The following SHISA9 variants were observed in gnomAD, a reference collection of about 807,000 sequenced individuals.
SHISA9 encodes the protein protein shisa-9.
SHISA9 carries 13 observed loss-of-function variants against 38.0 expected under a neutral mutation model. That is an observed-to-expected ratio of 0.34 (90% CI 0.22 to 0.54). The LOEUF is 0.54. SHISA9 is among the 20% of genes least tolerant of loss of function. The probability of loss-of-function intolerance (pLI) is 0.91; values close to 1 mark genes in which losing one functional copy is unlikely to be tolerated. For missense variants in SHISA9, 538 were observed against 575.8 expected (o/e 0.93, Z 0.67); for synonymous variants, 275 against 242.0 (o/e 1.14, Z -1.27).
At chr16:13,369,787 C>T in the SHISA9 span, among the ~76,000 whole-genome samples, 1 of 152,102 alleles carries the variant, frequency 6.6e-6, no homozygotes, top group Non-Finnish European at 1.5e-5. Context: ...GAATGACAAA[C>T]ACTGAGCTCA....
chr16:13,068,666 A>G (rs1045295106), intron 2 of SHISA9, among the ~76,000 whole-genome samples: 2 of 152,246 alleles, frequency 1.3e-5, no homozygotes, highest in African/African-American at 2.4e-5. Flanking sequence ...TGGCTGGGCC[A>G]TTAAGAAGCC....
the SHISA9 span, among the ~76,000 whole-genome samples, chr16:13,421,799 C>T: frequency 6.6e-6 from 1 of 152,180 alleles, no homozygotes; most frequent in South Asian, 2.1e-4. Context: ...CTTCAACTCT[C>T]ACATGAAATC....
At chr16:13,111,664 C>G (rs760336637) in intron 2 of SHISA9, among the ~76,000 whole-genome samples, 1 of 152,138 alleles carries the variant, frequency 6.6e-6, no homozygotes, top group Non-Finnish European at 1.5e-5. Context: ...TTTGGAGCTT[C>G]TATTTAACCA....
the SHISA9 span, among the ~76,000 whole-genome samples, chr16:13,487,210 G>A: frequency 6.6e-6 from 1 of 152,230 alleles, no homozygotes; most frequent in African/African-American, 2.4e-5. Flanking sequence ...AGTTGCATAT[G>A]TGAAATGACA....
chr16:12,908,129 A>ACATGGCTGCTGCTCAG (rs55838036), intron 1 of SHISA9, among the ~76,000 whole-genome samples: 1 of 152,016 alleles, frequency 6.6e-6, no homozygotes, highest in Admixed American at 6.5e-5. Context: ...AGGACCTGTC[A>ACATGGCTGCTGCTCAG]CAACTATTAC....
At chr16:13,491,132 T>C in the SHISA9 span, among the ~76,000 whole-genome samples, 3 of 152,324 alleles carry the variant, frequency 2.0e-5, no homozygotes, top group South Asian at 6.2e-4. Flanking sequence ...CTGAGAAAGA[T>C]GCATTAACAG....
chr16:13,086,190 T>C (rs955236922), intron 2 of SHISA9, among the ~76,000 whole-genome samples: 3 of 151,888 alleles, frequency 2.0e-5, no homozygotes, highest in African/African-American at 7.3e-5. Context: ...ACCCTGTCTC[T>C]ACTAAAATAC....
At chr16:13,112,349 G>C (rs534835338) in intron 2 of SHISA9, among the ~76,000 whole-genome samples, 3 of 151,910 alleles carry the variant, frequency 2.0e-5, no homozygotes, top group Non-Finnish European at 4.4e-5. Flanking sequence ...AAGGAAGAAA[G>C]ATGGGAAGTG....
the SHISA9 span, among the ~76,000 whole-genome samples, chr16:13,345,960 TA>T: frequency 0.79 from 119,418 of 152,000 alleles, 47,230 homozygotes; most frequent in East Asian, 0.96. Context: ...TTTACTCTTG[TA>T]AAAAAATTTT....
chr16:13,454,240 C>T, the SHISA9 span, among the ~76,000 whole-genome samples: 1 of 151,924 alleles, frequency 6.6e-6, no homozygotes, highest in Non-Finnish European at 1.5e-5. Context: ...GGGTTTGTTT[C>T]GGAACATGAA....
At chr16:13,200,045 C>G (rs923233389) in intron 2 of SHISA9, among the ~76,000 whole-genome samples, 4 of 152,144 alleles carry the variant, frequency 2.6e-5, no homozygotes, top group African/African-American at 9.7e-5. Context: ...TGTGTAAATA[C>G]TAAGGGGTCC....
chr16:12,933,009 G>T (rs1044632460), intron 2 of SHISA9, among the ~76,000 whole-genome samples: 2 of 152,136 alleles, frequency 1.3e-5, no homozygotes, highest in African/African-American at 4.8e-5. Flanking sequence ...CAAATGAGGG[G>T]AGGTAAATAT....
chr16:13,253,904 A>T, the SHISA9 span, among the ~76,000 whole-genome samples: 1 of 152,150 alleles, frequency 6.6e-6, no homozygotes, highest in African/African-American at 2.4e-5. Flanking sequence ...ACTGAAGGTT[A>T]CTTTTTTTTT....
intron 2 of SHISA9, among the ~76,000 whole-genome samples, chr16:13,149,856 C>T (rs1208993300): frequency 6.8e-6 from 1 of 148,146 alleles, no homozygotes; most frequent in Non-Finnish European, 1.5e-5. Context: ...ACCTAGGAAG[C>T]AGAGGTTGCA....
chr16:13,319,044 C>T, the SHISA9 span, among the ~76,000 whole-genome samples: 15 of 152,226 alleles, frequency 9.9e-5, no homozygotes, highest in South Asian at 3.1e-3. Flanking sequence ...CACTCTGTCG[C>T]CTAGGCTGGA....
chr16:13,549,534 G>A, the SHISA9 span, among the ~76,000 whole-genome samples: 1 of 151,718 alleles, frequency 6.6e-6, no homozygotes, highest in East Asian at 1.9e-4. Flanking sequence ...AAACTAATAG[G>A]TTGCTTTTAT....
At chr16:13,357,422 G>A in the SHISA9 span, among the ~76,000 whole-genome samples, 1 of 152,110 alleles carries the variant, frequency 6.6e-6, no homozygotes, top group East Asian at 1.9e-4. Context: ...AAAAGAGGCC[G>A]CTTACCGGAT....
At chr16:13,332,462 G>A in the SHISA9 span, 1 of 152,236 alleles carries the variant, frequency 6.6e-6, no homozygotes, top group Non-Finnish European at 1.5e-5. Flanking sequence ...AAGCGAGAGA[G>A]ATCGTCACTG....
intron 2 of SHISA9, among the ~76,000 whole-genome samples, chr16:13,143,757 C>T (rs2050423066): frequency 6.6e-6 from 1 of 152,222 alleles, no homozygotes; most frequent in Admixed American, 6.5e-5. Context: ...TGAGGCAGTA[C>T]CATTGGCAAT....
Sources: allele counts gnomAD v4.1 joint callset (sites outside exome capture counted in the v4.1 genomes callset), GRCh38; gene constraint gnomAD v4.1.1; transcripts MANE v1.5; gene names NCBI Gene and HGNC (gene_info 2026-07-23, HGNC 2026-07-21).